The following DOCK2 variants were observed in gnomAD, a reference collection of about 807,000 sequenced individuals.
The protein encoded by DOCK2 is dedicator of cytokinesis protein 2.
In DOCK2, 87 loss-of-function variants were observed where a neutral mutation model predicts 248.9. The observed-to-expected ratio is 0.35, with a 90% CI of 0.29 to 0.42. DOCK2 has a LOEUF of 0.42. Ranked by LOEUF, DOCK2 falls within the 10% of genes least tolerant of loss-of-function variation. The pLI is 1.00. For missense variants in DOCK2, 1,747 were observed against 2,300.2 expected (o/e 0.76, Z 4.92); for synonymous variants, 805 against 821.6 (o/e 0.98, Z 0.35).
Position 169,763,567 on chromosome 5 carries a change from T to C in DOCK2, c.2554+1942T>C, listed in dbSNP as rs1764601911. Among the ~76,000 whole-genome samples the C allele has an allele frequency of 2.6e-5, 4 of 152,202 alleles. No individual in the cohort carries two copies. The highest frequency in any genetic ancestry group is 5.9e-5 in the Non-Finnish European group (4 of 68,038). On this transcript the variant is annotated intron_variant, in intron 25 of 51. Transcript: ENST00000520908. This position sits in a 1 kb window ranked among gnomAD's most constrained non-coding sequence, Gnocchi z 4.1. ...TTGGAAGTCGGAGTAATTCCTTGAC[T>C]GCAGCCACATCTCCAGGGCTGGGAG...
At chr5:170,063,675 A>T (rs1198608193) in intron 44 of DOCK2, among the ~76,000 whole-genome samples, 2 of 152,144 alleles carry the variant, frequency 1.3e-5, no homozygotes, top group Non-Finnish European at 2.9e-5. Flanking sequence ...CCACATACCA[A>T]GTGCCACACT....
At chr5:170,042,931 T>C (rs1028286280) in intron 38 of DOCK2, among the ~76,000 whole-genome samples, 1 of 152,234 alleles carries the variant, frequency 6.6e-6, no homozygotes, top group Non-Finnish European at 1.5e-5. Flanking sequence ...AGTGAATATG[T>C]AGGCCTATGT....
chr5:169,882,469 A>G lies in DOCK2; in HGVS notation c.2799+41617A>G, dbSNP rs897982149. The stretch of plus-strand genomic sequence containing the variant: ...CAAACATTTTGGAGACATTTTTACT[A>G]AAAGAAACCAAAGCTGTCTCTGCCC... On this transcript the variant is annotated intron_variant, in intron 27 of 51. Transcript: ENST00000520908. 18 of 1,214,556 alleles carry G rather than the reference A, an allele frequency of 1.5e-5. No individual in the cohort carries two copies. In the African/African-American group the frequency reaches 2.5e-4, roughly 17 times the overall value. 75.2% of individuals were successfully genotyped at this position (1,214,556 alleles called of 1,614,324 possible). A position where few individuals can be genotyped will look rare whatever the true frequency, so the allele number is the denominator to read the frequency against.
chr5:170,037,326 C>T lies in DOCK2; in HGVS notation c.3665+771C>T, dbSNP rs568355932. Among the ~76,000 whole-genome samples the T allele has an allele frequency of 7.9e-5, 12 of 151,766 alleles. No homozygotes were observed. In the East Asian group the frequency reaches 1.5e-3, roughly 20 times the overall value. ...TTATTCTTTGCTTTTTCTAACTTGA[C>T]AAGAACTCCATGTTGACAGATGTAT... On this transcript the variant is annotated intron_variant, in intron 36 of 51. Coordinates refer to ENST00000520908, the MANE Select transcript of DOCK2 (RefSeq NM_004946.3).
chr5:169,686,298 G>A (rs1227642096), intron 8 of DOCK2, among the ~76,000 whole-genome samples: 4 of 152,142 alleles, frequency 2.6e-5, no homozygotes, highest in Admixed American at 6.5e-5. Flanking sequence ...GAGTGTGGTC[G>A]GCTGGCCCCA....
intron 27 of DOCK2, among the ~76,000 whole-genome samples, chr5:169,873,354 C>A (rs186118696): frequency 3.9e-5 from 6 of 152,300 alleles, no homozygotes; most frequent in African/African-American, 1.4e-4. Flanking sequence ...CCCAAAGAGA[C>A]ATTTAAGCTG....
chr5:169,889,748 C>A (rs906639267), intron 27 of DOCK2, among the ~76,000 whole-genome samples: 13 of 152,224 alleles, frequency 8.5e-5, no homozygotes, highest in African/African-American at 3.1e-4. Flanking sequence ...AATATGTAAA[C>A]AAATGGCTCT....
rs569167206 is a variant in DOCK2, at chr5:169,767,679, T to C, written c.2554+6054T>C. Among the ~76,000 whole-genome samples, 3 of 152,348 alleles carry C rather than the reference T, an allele frequency of 2.0e-5. No homozygotes were observed. In the East Asian group the frequency reaches 5.8e-4, roughly 29 times the overall value. On this transcript the variant is annotated intron_variant, in intron 25 of 51. Transcript: ENST00000520908. ...GTGCCAGAGACCCAGCTGCTGCTTA[T>C]TAAAATGCATCTATTTTGTCTGTTG...
intron 27 of DOCK2, chr5:169,883,348 C>A: frequency 6.4e-7 from 1 of 1,551,666 alleles, no homozygotes; most frequent in Non-Finnish European, 8.7e-7. Flanking sequence ...CAAGCATATG[C>A]TAACAGGACC....
chr5:169,757,347 AT>A (rs1454050824), intron 23 of DOCK2, among the ~76,000 whole-genome samples: 2 of 142,048 alleles, frequency 1.4e-5, no homozygotes, highest in Non-Finnish European at 3.0e-5. Flanking sequence ...TATTAAAATT[AT>A]GAAAAGTTCT....
chr5:169,824,382 G>C (rs181841998), intron 26 of DOCK2, among the ~76,000 whole-genome samples: 3,098 of 152,218 alleles, frequency 0.02, 103 homozygotes, highest in African/African-American at 0.07. Flanking sequence ...ATACTACAAG[G>C]CTACAGTAAC....
At chr5:169,967,319 T>C (rs759064258) in intron 27 of DOCK2, among the ~76,000 whole-genome samples, 2 of 152,176 alleles carry the variant, frequency 1.3e-5, no homozygotes, top group Non-Finnish European at 2.9e-5. Context: ...GAGGTGACTA[T>C]GTCAATTGTT....
chr5:170,026,677 C>G (rs1004687873), intron 33 of DOCK2, among the ~76,000 whole-genome samples: 2 of 152,164 alleles, frequency 1.3e-5, no homozygotes, highest in Non-Finnish European at 2.9e-5. Flanking sequence ...TGGGTGACTT[C>G]AAAACAATGC....
At chr5:169,659,192 A>G (rs1185169245) in intron 2 of DOCK2, among the ~76,000 whole-genome samples, 1 of 151,926 alleles carries the variant, frequency 6.6e-6, no homozygotes, top group Non-Finnish European at 1.5e-5. Context: ...CCCAATAAAG[A>G]AGTGAAAAGA....
chr5:169,907,132 G>A (rs1264865256), intron 27 of DOCK2, among the ~76,000 whole-genome samples: 2 of 152,122 alleles, frequency 1.3e-5, no homozygotes, highest in Admixed American at 1.3e-4. Flanking sequence ...GATATGGCCG[G>A]GGATGCATCT....
chr5:170,048,036 C>G (rs1325883459), intron 40 of DOCK2, among the ~76,000 whole-genome samples: 1 of 152,182 alleles, frequency 6.6e-6, no homozygotes, highest in Non-Finnish European at 1.5e-5. Context: ...TCTCTATCTA[C>G]ATTTACTACA....
intron 25 of DOCK2, among the ~76,000 whole-genome samples, chr5:169,794,540 A>C (rs907276625): frequency 1.3e-5 from 2 of 152,212 alleles, no homozygotes; most frequent in Non-Finnish European, 2.9e-5. Flanking sequence ...AAGGATATAA[A>C]TATATTGCAT....
intron 27 of DOCK2, among the ~76,000 whole-genome samples, chr5:169,867,445 C>G (rs1771645527): frequency 1.3e-5 from 2 of 149,534 alleles, no homozygotes; most frequent in South Asian, 4.3e-4. Flanking sequence ...GTCTATCTAT[C>G]TATCTGTCTG....
chr5:169,729,384 G>A (rs1762648238), intron 22 of DOCK2, among the ~76,000 whole-genome samples: 1 of 152,148 alleles, frequency 6.6e-6, no homozygotes, highest in Admixed American at 6.5e-5. Context: ...TATTTATTGT[G>A]TCTTTGGGGT....
Sources: gnomAD v4.1 joint callset for allele counts (sites outside exome capture counted in the v4.1 genomes callset) on GRCh38, gnomAD v4.1.1 for gene constraint, Gnocchi (gnomAD v3.1) non-coding constraint, MANE v1.5 for transcripts, NCBI Gene and HGNC (gene_info 2026-07-23, HGNC 2026-07-21) for gene names.